ATAD2: variants seen among roughly 807,000 people sequenced by gnomAD.
ATAD2 encodes the protein ATPase family AAA domain-containing protein 2.
In ATAD2, 62 loss-of-function variants were observed where a neutral mutation model predicts 168.9. The observed-to-expected ratio is 0.37, with a 90% CI of 0.30 to 0.45. The LOEUF is 0.45. Among genes scored for constraint, ATAD2 ranks in the 20% least tolerant of loss-of-function variants. The pLI is 1.00. For synonymous variants in ATAD2, 613 were observed against 571.6 expected (o/e 1.07, Z -1.03); for missense variants, 1,419 against 1,667.8 (o/e 0.85, Z 2.60).
At chr8:123,341,107 T>A (rs1481971305) in intron 19 of ATAD2, among the ~76,000 whole-genome samples, 1 of 152,114 alleles carries the variant, frequency 6.6e-6, no homozygotes, top group Non-Finnish European at 1.5e-5. Flanking sequence ...CATGCTCATT[T>A]TATTCATTTT....
chr8:123,358,846 A>G (rs1828725795), intron 11 of ATAD2, among the ~76,000 whole-genome samples: 1 of 145,794 alleles, frequency 6.9e-6, no homozygotes, highest in South Asian at 2.1e-4. Flanking sequence ...ATTGTGCCTC[A>G]GCGCACGCCG....
chr8:123,382,135 G>C (rs1004948412), intron 1 of ATAD2, among the ~76,000 whole-genome samples: 1 of 152,130 alleles, frequency 6.6e-6, no homozygotes, highest in Non-Finnish European at 1.5e-5. Flanking sequence ...TCTGAAAACT[G>C]ATCAGTTTAG....
At chr8:123,384,729 T>G (rs935706659) in intron 1 of ATAD2, among the ~76,000 whole-genome samples, 1 of 152,210 alleles carries the variant, frequency 6.6e-6, no homozygotes, top group Non-Finnish European at 1.5e-5. Context: ...CCATGTGAGA[T>G]CTCCTAAAAT....
chr8:123,335,195 A>G (rs1413927130), intron 22 of ATAD2, among the ~76,000 whole-genome samples: 3 of 152,160 alleles, frequency 2.0e-5, no homozygotes, highest in Non-Finnish European at 4.4e-5. Context: ...AATAGACAGA[A>G]AGGGAGCAGC....
At chr8:123,376,098 C>A (rs1435253697) in intron 2 of ATAD2, among the ~76,000 whole-genome samples, 2 of 145,280 alleles carry the variant, frequency 1.4e-5, no homozygotes, top group Non-Finnish European at 3.0e-5. Context: ...GAGCAAGACT[C>A]CGTCTCAAAA....
intron 2 of ATAD2, among the ~76,000 whole-genome samples, chr8:123,379,131 A>C (rs1829413690): frequency 6.6e-6 from 1 of 151,936 alleles, no homozygotes; most frequent in Non-Finnish European, 1.5e-5. Context: ...ATTTTACCCT[A>C]ATTGGGGTTT....
chr8:123,406,803 T>A (rs1813073735), intron 1 of ATAD2, among the ~76,000 whole-genome samples: 1 of 123,186 alleles, frequency 8.1e-6, no homozygotes, highest in African/African-American at 3.2e-5. Flanking sequence ...GGTGATAGAG[T>A]GAGACCCTGT....
intron 11 of ATAD2, 71 bp from the exon 12 acceptor site, chr8:123,357,807 C>T (rs1828695785): frequency 2.9e-6 from 4 of 1,360,128 alleles, no homozygotes; most frequent in Admixed American, 5.3e-5. Context: ...AATTAGAAAC[C>T]AATTTCATGA....
At chr8:123,368,619 A>G (rs1449594581) in intron 8 of ATAD2, among the ~76,000 whole-genome samples, 1 of 152,232 alleles carries the variant, frequency 6.6e-6, no homozygotes, top group African/African-American at 2.4e-5. Context: ...AACCAGAGTC[A>G]TGAAAGGTCT....
At chr8:123,341,813 C>T (rs116745836) in intron 19 of ATAD2, among the ~76,000 whole-genome samples, 1,716 of 152,266 alleles carry the variant, frequency 0.011, 30 homozygotes, top group African/African-American at 0.038. Flanking sequence ...GTACTGAAAG[C>T]GACCTGGAAG....
At chr8:123,341,387 T>A (rs1203638689) in intron 19 of ATAD2, among the ~76,000 whole-genome samples, 1 of 152,224 alleles carries the variant, frequency 6.6e-6, no homozygotes, top group Non-Finnish European at 1.5e-5. Flanking sequence ...ACCCGGAGCA[T>A]AAAGCCATTA....
intron 1 of ATAD2, among the ~76,000 whole-genome samples, chr8:123,411,262 G>A (rs553550271): frequency 1.5e-3 from 229 of 152,184 alleles, no homozygotes; most frequent in Non-Finnish European, 2.6e-3. Flanking sequence ...AAGATCTACC[G>A]CGGACCCCTG....
chr8:123,399,499 G>C (rs1203152969), upstream of ATAD2, among the ~76,000 whole-genome samples: 2 of 152,150 alleles, frequency 1.3e-5, no homozygotes, highest in Non-Finnish European at 2.9e-5. Context: ...TAAAGAAAAT[G>C]AAACAGGGTC....
intron 2 of ATAD2, among the ~76,000 whole-genome samples, chr8:123,377,166 T>C (rs1319105003): frequency 1.5e-5 from 2 of 129,566 alleles, no homozygotes; most frequent in East Asian, 4.8e-4. Context: ...GAGGCTGAGG[T>C]GGGAGGACCA....
At chr8:123,401,899 C>A in intron 1 of ATAD2, 1 of 768,998 alleles carries the variant, frequency 1.3e-6, no homozygotes. Flanking sequence ...GTGTCTCGGG[C>A]TCCATCCAGG....
upstream of ATAD2, among the ~76,000 whole-genome samples, chr8:123,397,527 T>C (rs1812915827): frequency 6.6e-6 from 1 of 151,636 alleles, no homozygotes; most frequent in Non-Finnish European, 1.5e-5. Context: ...TTGAAATAGG[T>C]AACACGCTGA....
intron 1 of ATAD2, among the ~76,000 whole-genome samples, chr8:123,386,520 T>C (rs1459047202): frequency 6.6e-6 from 1 of 151,996 alleles, no homozygotes; most frequent in Non-Finnish European, 1.5e-5. Context: ...AGAGAGGAAC[T>C]GGGAGTAAGT....
chr8:123,413,228 C>CG (rs1414241732), intron 1 of ATAD2, among the ~76,000 whole-genome samples: 7 of 60,134 alleles, frequency 1.2e-4, no homozygotes, highest in Non-Finnish European at 2.4e-4. Context: ...ATGAGCGCCC[C>CG]CCCCCCCCCA....
At position 123,323,038 on chromosome 8, in the gene ATAD2, C is replaced by CT. The variant is rs775812316; in HGVS notation, c.4030dup (p.Ser1344LysfsTer28). ...CAACTGAAATATGTTGTAGTTTTGACTTTTTTTAACAACAGTCTTCAAAAG... is the reference window on the plus strand; with the variant it reads ...CAACTGAAATATGTTGTAGTTTTGACTTTTTTTTAACAACAGTCTTCAAAAG... On this transcript the variant is annotated frameshift_variant, in exon 27 of 28. Coordinates refer to ENST00000287394, the MANE Select transcript of ATAD2 (RefSeq NM_014109.4). LOFTEE classifies it high-confidence loss of function. 5 of 1,611,394 alleles carry CT rather than the reference C, an allele frequency of 3.1e-6. No individual in the cohort carries two copies. Among genetic ancestry groups the CT allele is most frequent in the Non-Finnish European group, 3.4e-6 (4 of 1,178,234 alleles).
Sources: allele counts gnomAD v4.1 joint callset (sites outside exome capture counted in the v4.1 genomes callset), GRCh38; gene constraint gnomAD v4.1.1; transcripts MANE v1.5; gene names NCBI Gene and HGNC (gene_info 2026-07-23, HGNC 2026-07-21).